Variants in FOCAD observed in about 807,000 individuals in gnomAD.
The protein encoded by FOCAD is KIAA1797.
A neutral mutation model predicts 225.6 loss-of-function variants in FOCAD; 198 were observed. The observed-to-expected ratio is 0.88, with a 90% CI of 0.78 to 0.99. The LOEUF is 0.99. FOCAD is among the 50% of genes least tolerant of loss of function. FOCAD has a pLI of 0.00. For missense variants in FOCAD, 2,713 were observed against 2,123.6 expected, an observed-to-expected ratio of 1.28 and a Z score of -5.46; for synonymous variants, 897 against 755.0, an observed-to-expected ratio of 1.19 and a Z score of -3.08.
intron 21 of FOCAD, among the ~76,000 whole-genome samples, chr9:20,904,494 C>G (rs1832796236): frequency 6.6e-6 from 1 of 151,944 alleles, no homozygotes; most frequent in African/African-American, 2.4e-5. Flanking sequence ...GCATCCCTGC[C>G]CTCACCTCAT....
chr9:20,994,868 G>A (rs1291064670), intron 43 of FOCAD, among the ~76,000 whole-genome samples: 1 of 152,032 alleles, frequency 6.6e-6, no homozygotes, highest in East Asian at 1.9e-4. Flanking sequence ...TATATAGTAG[G>A]CTTATTAGAT....
rs142698718 is a variant in FOCAD at position 20,874,795 on chromosome 9, T to A, written c.2305T>A (p.Leu769Met). 1.2e-6 allele frequency: 2 copies of A among 1,613,494 alleles called. No homozygotes were observed. The highest frequency in any genetic ancestry group is 1.7e-6 in the Non-Finnish European group (2 of 1,179,664). ...YLKLLSLTPP[L>M]VLPALEEFFT... ...CAAACTGTTGTCACTCACTCCCCCT[T>A]TGGTTTTACCAGGTGACTCCTATTT... The change falls in exon 19 of 44, where the codon TTG (leucine) becomes ATG (methionine). Residue 769 changes from leucine (L) to methionine (M), a missense_variant. Leu to Met is a conservative substitution (Grantham distance 15). Transcript: ENST00000338382.
upstream of FOCAD, among the ~76,000 whole-genome samples, chr9:20,657,048 G>C (rs895485113): frequency 9.9e-5 from 15 of 152,164 alleles, no homozygotes; most frequent in African/African-American, 3.4e-4. Flanking sequence ...GCTTAGTTTG[G>C]CTGGATATGA....
chr9:20,765,962 C>T (rs1318306085), intron 7 of FOCAD, among the ~76,000 whole-genome samples: 4 of 152,142 alleles, frequency 2.6e-5, no homozygotes, highest in South Asian at 2.1e-4. Flanking sequence ...CTTTCCTCTG[C>T]GACTTATAAA....
At chr9:20,976,612 C>A in intron 36 of FOCAD, 64 bp downstream of exon 36, 1 of 1,528,420 alleles carries the variant, frequency 6.5e-7, no homozygotes, top group South Asian at 1.1e-5. Flanking sequence ...AATGGAAAAA[C>A]AGATTCTGTG....
intron 39 of FOCAD, 129 bp downstream of exon 39, chr9:20,982,575 A>G (rs2132636982): frequency 1.4e-6 from 1 of 706,624 alleles, no homozygotes; most frequent in East Asian, 2.7e-5. Flanking sequence ...AGGAAACTAT[A>G]TTTCATTTAC....
At chr9:20,890,861 A>AT (rs71334561) in intron 21 of FOCAD, among the ~76,000 whole-genome samples, 4 of 151,646 alleles carry the variant, frequency 2.6e-5, no homozygotes, top group African/African-American at 9.7e-5. Context: ...ACATGAGGCT[A>AT]TTTTTTTTTA....
chr9:20,963,052 T>C (rs1229768789), intron 35 of FOCAD, among the ~76,000 whole-genome samples: 3 of 152,196 alleles, frequency 2.0e-5, no homozygotes, highest in Non-Finnish European at 4.4e-5. Context: ...CTGCCAAATA[T>C]TTTCTCAATT....
At chr9:20,937,482 G>A (rs1241365926) in intron 28 of FOCAD, among the ~76,000 whole-genome samples, 1 of 151,888 alleles carries the variant, frequency 6.6e-6, no homozygotes, top group African/African-American at 2.4e-5. Flanking sequence ...ATGGGGAAAG[G>A]ATTCCCTATT....
At chr9:20,936,407 G>A (rs1835973535) in intron 28 of FOCAD, among the ~76,000 whole-genome samples, 1 of 152,226 alleles carries the variant, frequency 6.6e-6, no homozygotes, top group East Asian at 1.9e-4. Flanking sequence ...AATAAATAAA[G>A]TAAAATGTCC....
In FOCAD at chr9:20,866,967, C is replaced by T. The variant is rs1471592486; in HGVS notation, c.2145C>T (p.Ala715=). The change falls in exon 18 of 44, where the codon GCC becomes GCT. Residue 715 remains alanine (A), a synonymous_variant. Transcript: ENST00000338382. ...IVANAAYRSL[A]NFSAGEHTIL... ...CAAATGCTGCATATAGATCCCTGGC[C>T]AACTTTAGTGCAGGAGAACACACCA... The T allele has an allele frequency of 6.8e-7, 1 of 1,471,776 alleles. No homozygotes were observed. Among genetic ancestry groups the T allele is most frequent in the African/African-American group, 1.5e-5 (1 of 64,680 alleles). 91.2% of individuals were successfully genotyped at this position (1,471,776 alleles called of 1,614,324 possible).
intron 15 of FOCAD, among the ~76,000 whole-genome samples, chr9:20,824,562 C>T (rs971313945): frequency 6.6e-6 from 1 of 152,012 alleles, no homozygotes; most frequent in Non-Finnish European, 1.5e-5. Context: ...TGACTTTCCT[C>T]ATTCCATTTC....
At chr9:20,733,354 C>CT (rs557832238) in intron 4 of FOCAD, among the ~76,000 whole-genome samples, 11 of 151,988 alleles carry the variant, frequency 7.2e-5, no homozygotes, top group African/African-American at 1.9e-4. Flanking sequence ...TTTAATTTTT[C>CT]TTTTTTTTAT....
At chr9:20,792,294 T>C (rs1465118957) in intron 11 of FOCAD, among the ~76,000 whole-genome samples, 1 of 152,226 alleles carries the variant, frequency 6.6e-6, no homozygotes, top group Non-Finnish European at 1.5e-5. Flanking sequence ...TAGGTTGAGT[T>C]GGTCTAAAAT....
intron 28 of FOCAD, among the ~76,000 whole-genome samples, chr9:20,941,605 G>A (rs987264292): frequency 1.3e-5 from 2 of 152,048 alleles, no homozygotes; most frequent in Admixed American, 6.6e-5. Flanking sequence ...TTCTTTTGCT[G>A]GTGATATTTT....
At chr9:20,851,693 T>A (rs1827675397) in intron 15 of FOCAD, among the ~76,000 whole-genome samples, 1 of 151,834 alleles carries the variant, frequency 6.6e-6, no homozygotes, top group Non-Finnish European at 1.5e-5. Flanking sequence ...TGTGATGAGA[T>A]CCTTTCACCA....
chr9:20,819,997 GC>G (rs1824143993), intron 12 of FOCAD, 97 bp downstream of exon 12: 1 of 701,098 alleles, frequency 1.4e-6, no homozygotes, highest in South Asian at 2.1e-5. Flanking sequence ...CCTAAATTTT[GC>G]CATAGTCACT....
chr9:20,761,021 G>T (rs191361439), intron 6 of FOCAD, among the ~76,000 whole-genome samples: 2,061 of 136,306 alleles, frequency 0.015, 50 homozygotes, highest in African/African-American at 0.053. Context: ...TAGATTTTTT[G>T]GGGGGGGGCG....
At chr9:20,898,926 C>A (rs1832332379) in intron 21 of FOCAD, among the ~76,000 whole-genome samples, 1 of 151,852 alleles carries the variant, frequency 6.6e-6, no homozygotes, top group Non-Finnish European at 1.5e-5. Flanking sequence ...GAGCCTAGAA[C>A]TTTCACAAGT....
Sources: gnomAD v4.1 joint callset for allele counts (sites outside exome capture counted in the v4.1 genomes callset) on GRCh38, gnomAD v4.1.1 for gene constraint, MANE v1.5 for transcripts, NCBI Gene and HGNC (gene_info 2026-07-23, HGNC 2026-07-21) for gene names.